DAB1: variants seen among roughly 807,000 people sequenced by gnomAD.
DAB1 encodes disabled homolog 1.
A neutral mutation model predicts 64.6 loss-of-function variants in DAB1; 15 were observed. That is an observed-to-expected ratio of 0.23 (90% CI 0.16 to 0.36). The LOEUF is 0.36. DAB1 is among the 10% of genes least tolerant of loss of function. The probability of loss-of-function intolerance (pLI) is 1.00; values close to 1 mark genes in which losing one functional copy is unlikely to be tolerated. For missense variants in DAB1, 596 were observed against 706.7 expected, an observed-to-expected ratio of 0.84 and a Z score of 1.78; for synonymous variants, 235 against 251.9, an observed-to-expected ratio of 0.93 and a Z score of 0.64.
At chr1:58,534,464 G>A (rs1401648164) in intron 1 of DAB1, 3 of 529,990 alleles carry the variant, frequency 5.7e-6, no homozygotes, top group Non-Finnish European at 9.9e-6. Context: ...CATATATTAA[G>A]CACTGAAATT....
At chr1:57,689,346 C>T (rs1273969325) in intron 6 of DAB1, among the ~76,000 whole-genome samples, 1 of 152,128 alleles carries the variant, frequency 6.6e-6, no homozygotes, top group East Asian at 1.9e-4. Context: ...CAAGTAAAAA[C>T]AGGTGGAGAT....
chr1:57,109,880 G>T (rs1024051744), intron 4 of DAB1, among the ~76,000 whole-genome samples: 3 of 152,094 alleles, frequency 2.0e-5, no homozygotes, highest in African/African-American at 7.2e-5. Context: ...ATAGCCCCAG[G>T]TGTCATTTGA....
At chr1:58,314,703 T>G (rs975525348) in intron 4 of DAB1, among the ~76,000 whole-genome samples, 3 of 152,182 alleles carry the variant, frequency 2.0e-5, no homozygotes, top group African/African-American at 7.2e-5. Flanking sequence ...TGGCACTAGG[T>G]TACCTTCTTT....
At chr1:58,431,570 A>G (rs1254683475) in intron 3 of DAB1, among the ~76,000 whole-genome samples, 1 of 151,722 alleles carries the variant, frequency 6.6e-6, no homozygotes, top group East Asian at 1.9e-4. Context: ...AAAAAAAAAA[A>G]AAAAAAAAGG....
chr1:57,116,973 A>C (rs1323079950), intron 4 of DAB1, among the ~76,000 whole-genome samples: 1 of 152,218 alleles, frequency 6.6e-6, no homozygotes, highest in Non-Finnish European at 1.5e-5. Context: ...GGCACTCTGC[A>C]AACATTGTCC....
rs60839633 is a variant in DAB1 at position 57,404,099 on chromosome 1, GT to G, written c.-137+19830del. Among the ~76,000 whole-genome samples the G allele has an allele frequency of 1.0e-3, 159 of 151,674 alleles. 1 individual carries two copies. The highest frequency in any genetic ancestry group is 3.8e-3 in the African/African-American group (155 of 41,258). On this transcript the variant is annotated intron_variant, in intron 1 of 14. Transcript: ENST00000371236. ...GTTAAGATACGCATCAAAGCATTAT[GT>G]TAAAAAAAAATTAACAATGACTTTA...
intron 2 of DAB1, among the ~76,000 whole-genome samples, chr1:58,518,875 T>C (rs1208417217): frequency 6.6e-6 from 1 of 152,174 alleles, no homozygotes; most frequent in Admixed American, 6.5e-5. Context: ...ATATTAAGTG[T>C]ATGAGATAGG....
intron 7 of DAB1, among the ~76,000 whole-genome samples, chr1:57,595,580 C>T (rs965093445): frequency 7.2e-5 from 11 of 152,056 alleles, no homozygotes; most frequent in Admixed American, 5.2e-4. Flanking sequence ...ATTGCAGGTT[C>T]CTCTGGCTCC....
chr1:58,025,556 A>G (rs1646877037), intron 5 of DAB1, among the ~76,000 whole-genome samples: 2 of 148,526 alleles, frequency 1.3e-5, no homozygotes, highest in African/African-American at 4.9e-5. Context: ...TATTATATAT[A>G]TATAGAGAGA....
intron 3 of DAB1, among the ~76,000 whole-genome samples, chr1:58,400,577 G>A (rs930480971): frequency 3.9e-5 from 6 of 152,160 alleles, no homozygotes; most frequent in African/African-American, 1.2e-4. Flanking sequence ...GTCTTGCTAG[G>A]GTGCTAGAAG....
chr1:57,071,446 A>G, intron 6 of DAB1, 76 bp downstream of exon 6: 1 of 1,513,920 alleles, frequency 6.6e-7, no homozygotes, highest in South Asian at 1.3e-5. Flanking sequence ...CAGGAAGAGA[A>G]GGCCTGACTG....
chr1:57,088,393 A>G lies in DAB1; in HGVS notation c.307-15979T>C, dbSNP rs576430124. On this transcript the variant is annotated intron_variant, in intron 4 of 14. Coordinates refer to ENST00000371236, the MANE Select transcript of DAB1 (RefSeq NM_001365792.1). ...GCCCCACTAACACTGAGTTTCTAAG[A>G]GATCAAAGCCACGTCCCTAGGATGG... Among the ~76,000 whole-genome samples the G allele has an allele frequency of 3.5e-4, 54 of 152,288 alleles. No individual in the cohort carries two copies. The East Asian group carries it at 4.3e-3, about 12-fold the overall frequency.
chr1:58,030,874 G>A (rs957465738), intron 5 of DAB1, among the ~76,000 whole-genome samples: 25 of 152,170 alleles, frequency 1.6e-4, no homozygotes, highest in African/African-American at 5.8e-4. Context: ...AGGCATGGAC[G>A]GCCTTCAAGA....
intron 6 of DAB1, among the ~76,000 whole-genome samples, chr1:57,710,330 C>G (rs975592414): frequency 2.0e-5 from 3 of 152,088 alleles, no homozygotes; most frequent in Non-Finnish European, 4.4e-5. Context: ...GAGTTTCATA[C>G]TACGGAATAG....
intron 9 of DAB1, among the ~76,000 whole-genome samples, chr1:57,032,929 A>G (rs1022468497): frequency 6.6e-6 from 1 of 152,116 alleles, no homozygotes; most frequent in African/African-American, 2.4e-5. Flanking sequence ...CGTCCTGTTC[A>G]TGTATCTGAA....
intron 5 of DAB1, among the ~76,000 whole-genome samples, chr1:57,906,646 G>A (rs1049489369): frequency 6.6e-6 from 1 of 152,098 alleles, no homozygotes; most frequent in Non-Finnish European, 1.5e-5. Context: ...AGCTATTGAG[G>A]CCCATTATTA....
chr1:57,423,181 C>G (rs1433287777), intron 1 of DAB1, among the ~76,000 whole-genome samples: 4 of 148,438 alleles, frequency 2.7e-5, no homozygotes, highest in Non-Finnish European at 4.4e-5. Context: ...TCTCTGCATC[C>G]AAGTCAGAGC....
chr1:57,616,048 G>C (rs963085151), intron 7 of DAB1, among the ~76,000 whole-genome samples: 2 of 152,148 alleles, frequency 1.3e-5, no homozygotes, highest in Non-Finnish European at 2.9e-5. Context: ...CTGAGGGAAG[G>C]CACTGTGGCT....
chr1:57,522,616 A>T (rs934268306), intron 7 of DAB1, among the ~76,000 whole-genome samples: 4 of 152,182 alleles, frequency 2.6e-5, no homozygotes, highest in African/African-American at 9.7e-5. Flanking sequence ...GTTCAAGTTG[A>T]TAAGGGGTGG....
Sources: allele counts gnomAD v4.1 joint callset (sites outside exome capture counted in the v4.1 genomes callset), GRCh38; gene constraint gnomAD v4.1.1; transcripts MANE v1.5; gene names NCBI Gene and HGNC (gene_info 2026-07-23, HGNC 2026-07-21).